The following TSGA10 variants were observed in gnomAD, a reference collection of about 807,000 sequenced individuals.
The protein encoded by TSGA10 is testis specific 10.
TSGA10 carries 43 observed loss-of-function variants against 96.6 expected under a neutral mutation model. The ratio of observed to expected loss-of-function variants is 0.44; its 90% CI spans 0.35 to 0.57. TSGA10 has a LOEUF of 0.57. Among genes scored for constraint, TSGA10 ranks in the 20% least tolerant of loss-of-function variants. The pLI, the probability that TSGA10 is intolerant of heterozygous loss-of-function variation, is 0.01. For missense variants in TSGA10, 703 were observed against 834.4 expected, an observed-to-expected ratio of 0.84 and a Z score of 1.94; for synonymous variants, 229 against 269.9, an observed-to-expected ratio of 0.85 and a Z score of 1.48.
intron 1 of TSGA10, among the ~76,000 whole-genome samples, chr2:99,130,694 G>A (rs1414726306): frequency 6.6e-6 from 1 of 152,112 alleles, no homozygotes; most frequent in Non-Finnish European, 1.5e-5. Flanking sequence ...TGAAGTCTTT[G>A]CCCATGCCTA....
intron 12 of TSGA10, among the ~76,000 whole-genome samples, chr2:99,077,359 AAAT>A (rs1195072568): frequency 6.6e-6 from 1 of 152,044 alleles, no homozygotes; most frequent in Non-Finnish European, 1.5e-5. Context: ...ATGTTTGTTG[AAAT>A]AATGAATGGA....
intron 14 of TSGA10, 45 bp downstream of exon 14, chr2:99,071,661 C>A (rs756960094): frequency 3.8e-6 from 6 of 1,566,204 alleles, no homozygotes; most frequent in African/African-American, 1.4e-5. Flanking sequence ...ACAAGAAATT[C>A]ATATTTTTTT....
chr2:99,090,008 A>C (rs1373927621), intron 10 of TSGA10, among the ~76,000 whole-genome samples: 1 of 152,132 alleles, frequency 6.6e-6, no homozygotes, highest in African/African-American at 2.4e-5. Flanking sequence ...CACAGAGTCC[A>C]TTTCACTCCC....
chr2:99,051,709 A>G (rs1211931213), intron 16 of TSGA10, among the ~76,000 whole-genome samples: 2 of 152,134 alleles, frequency 1.3e-5, no homozygotes, highest in African/African-American at 2.4e-5. Context: ...AACATTCTCT[A>G]GAATAGACAC....
At chr2:98,999,536 G>A (rs1360303197) in intron 20 of TSGA10, among the ~76,000 whole-genome samples, 1 of 152,036 alleles carries the variant, frequency 6.6e-6, no homozygotes, top group Non-Finnish European at 1.5e-5. Flanking sequence ...AGGTGATTAA[G>A]GGCATTGTTA....
Position 99,105,561 on chromosome 2 carries a change from G to A in TSGA10, c.347C>T (p.Thr116Ile). The A allele has an allele frequency of 1.9e-6, 3 of 1,612,126 alleles. No homozygotes were observed. The highest frequency in any genetic ancestry group is 2.5e-6 in the Non-Finnish European group (3 of 1,178,366). Residue 116 changes from threonine to isoleucine, a missense_variant, in exon 8 of 21, where the codon ACC becomes ATC. Thr to Ile is a moderately conservative substitution (Grantham distance 89). Around this residue, in one of 3 missense-constraint regions of TSGA10, gnomAD observed 585 missense variants for 656.8 expected, o/e 0.89. Coordinates refer to ENST00000393483, the MANE Select transcript of TSGA10 (RefSeq NM_025244.4). ...DVAFTDLRRM[T>I]TERDSLRERL... ...CTCCCTTAGACTATCTCGTTCTGTG[G>A]TCATTCTTCGTAAATCAGTAAAGGC... is the stretch of plus-strand genomic sequence containing the variant.
intron 12 of TSGA10, among the ~76,000 whole-genome samples, chr2:99,076,238 A>G (rs1054488099): frequency 2.0e-5 from 3 of 152,116 alleles, no homozygotes; most frequent in Admixed American, 1.3e-4. Flanking sequence ...ATACCTTGTC[A>G]ATTTTACTTC....
chr2:99,047,628 T>G (rs886433672), intron 16 of TSGA10, among the ~76,000 whole-genome samples: 9 of 152,250 alleles, frequency 5.9e-5, no homozygotes, highest in South Asian at 2.1e-4. Flanking sequence ...ATAATGAATG[T>G]GCAAAAACTG....
Position 99,064,940 on chromosome 2 carries a change from T to G in TSGA10, c.1403A>C (p.Gln468Pro). 3 of 1,578,082 alleles carry G rather than the reference T, an allele frequency of 1.9e-6. No individual in the cohort carries two copies. Among genetic ancestry groups the G allele is most frequent in the Non-Finnish European group, 2.6e-6 (3 of 1,165,534 alleles). ...KVDSLNREVE[Q>P]HLNAERSYKS... ...ATAAGCATATTTTTCCAAACTTACT[T>G]GCTCAACCTCTCTGTTGAGGGAATC... The change falls in exon 16 of 21, where the codon CAA becomes CCA. Residue 468 changes from glutamine to proline, a missense_variant and splice_region_variant. By Grantham distance (76) the Gln-to-Pro change is moderately conservative (BLOSUM62 -1). Coordinates refer to ENST00000393483, the MANE Select transcript of TSGA10 (RefSeq NM_025244.4).
intron 10 of TSGA10, among the ~76,000 whole-genome samples, chr2:99,097,895 G>A (rs1243186614): frequency 4.6e-5 from 7 of 152,048 alleles, no homozygotes; most frequent in Non-Finnish European, 4.4e-5. Flanking sequence ...AAAGAAAATT[G>A]GTATAGCTAT....
chr2:99,150,245 A>G (rs1469296921), intron 1 of TSGA10, among the ~76,000 whole-genome samples: 1 of 152,254 alleles, frequency 6.6e-6, no homozygotes, highest in Non-Finnish European at 1.5e-5. Context: ...GAGAAGCTCT[A>G]CTATTTTCTG....
chr2:99,052,145 A>T (rs1312408567), intron 16 of TSGA10, among the ~76,000 whole-genome samples: 2 of 151,900 alleles, frequency 1.3e-5, no homozygotes, highest in East Asian at 3.9e-4. Flanking sequence ...AGCAAAAATT[A>T]TAATAATAAA....
At chr2:99,060,304 C>T (rs75692443) in intron 16 of TSGA10, among the ~76,000 whole-genome samples, 34 of 152,010 alleles carry the variant, frequency 2.2e-4, no homozygotes, top group Non-Finnish European at 4.0e-4. Flanking sequence ...ATCATTTTTA[C>T]AATGGCATTG....
At chr2:99,126,824 A>G (rs1441320387) in intron 2 of TSGA10, 1 of 228,746 alleles carries the variant, frequency 4.4e-6, no homozygotes, top group Non-Finnish European at 8.1e-6. Context: ...TTAAGTAAAA[A>G]CTGTATACCT....
At chr2:99,099,494 T>C (rs1362826880) in intron 10 of TSGA10, among the ~76,000 whole-genome samples, 1 of 152,152 alleles carries the variant, frequency 6.6e-6, no homozygotes, top group Non-Finnish European at 1.5e-5. Context: ...GGTTTAGTAT[T>C]ACAAAATTAA....
At chr2:99,076,239 AT>A (rs2086686674) in intron 12 of TSGA10, among the ~76,000 whole-genome samples, 1 of 152,116 alleles carries the variant, frequency 6.6e-6, no homozygotes. Flanking sequence ...TACCTTGTCA[AT>A]TTTACTTCCT....
intron 12 of TSGA10, among the ~76,000 whole-genome samples, chr2:99,075,099 T>C (rs537385325): frequency 7.9e-5 from 12 of 152,250 alleles, no homozygotes; most frequent in African/African-American, 2.6e-4. Flanking sequence ...AATTTCTGGG[T>C]TGAATCCAAT....
chr2:99,141,180 G>C, intron 1 of TSGA10: 1 of 1,236,812 alleles, frequency 8.1e-7, no homozygotes, highest in Non-Finnish European at 1.0e-6. Context: ...GGGGATACAA[G>C]AACCGCCCAC....
chr2:99,096,507 A>G (rs998570819), intron 10 of TSGA10, among the ~76,000 whole-genome samples: 2 of 152,204 alleles, frequency 1.3e-5, no homozygotes, highest in Admixed American at 1.3e-4. Flanking sequence ...CCCTGGCTGC[A>G]TATCTAGAAT....
Sources: allele counts gnomAD v4.1 joint callset (sites outside exome capture counted in the v4.1 genomes callset), GRCh38; gene constraint gnomAD v4.1.1; regional missense constraint gnomAD v4.1.1; transcripts MANE v1.5; gene names NCBI Gene and HGNC (gene_info 2026-07-23, HGNC 2026-07-21).